KCNN2: variants seen among roughly 807,000 people sequenced by gnomAD.
The protein encoded by KCNN2 is potassium calcium-activated channel subfamily N member 2, also known as small conductance calcium-activated potassium channel protein 2.
Under a neutral mutation model 55.5 loss-of-function variants are expected in KCNN2, and 24 were observed. The observed-to-expected ratio is 0.43, with a 90% CI of 0.31 to 0.61. The LOEUF (loss-of-function observed/expected upper bound fraction) is 0.61, where lower values mean the gene tolerates loss of function less well. KCNN2 is among the 20% of genes least tolerant of loss of function. KCNN2 has a pLI of 0.08. For synonymous variants in KCNN2, 431 were observed against 336.1 expected, an observed-to-expected ratio of 1.28 and a Z score of -3.09; for missense variants, 754 against 853.6, an observed-to-expected ratio of 0.88 and a Z score of 1.45.
chr5:114,361,377 G>A (rs926156552), upstream of KCNN2, among the ~76,000 whole-genome samples: 3 of 152,168 alleles, frequency 2.0e-5, no homozygotes, highest in Non-Finnish European at 2.9e-5. Flanking sequence ...GAAAGATCCG[G>A]TCTCGGGGTC....
intron 1 of KCNN2, among the ~76,000 whole-genome samples, chr5:114,168,279 T>G (rs1356009949): frequency 6.6e-6 from 1 of 151,854 alleles, no homozygotes; most frequent in East Asian, 1.9e-4. Context: ...CATAGGATAT[T>G]TATCATTCTC....
intron 2 of KCNN2, among the ~76,000 whole-genome samples, chr5:114,247,779 A>G (rs1173694029): frequency 6.6e-6 from 1 of 152,220 alleles, no homozygotes; most frequent in African/African-American, 2.4e-5. Flanking sequence ...GACACACAGC[A>G]AGTACCCAAA....
intron 2 of KCNN2, among the ~76,000 whole-genome samples, chr5:114,305,718 A>G (rs1756256028): frequency 6.6e-6 from 1 of 152,198 alleles, no homozygotes; most frequent in African/African-American, 2.4e-5. Flanking sequence ...CAGTAGGAAC[A>G]AAAAGAAGCA....
At chr5:114,439,054 T>TA (rs906320282) in intron 3 of KCNN2, among the ~76,000 whole-genome samples, 1 of 152,156 alleles carries the variant, frequency 6.6e-6, no homozygotes, top group Non-Finnish European at 1.5e-5. Context: ...GTACAGTACA[T>TA]AAAAAAATCT....
intron 2 of KCNN2, among the ~76,000 whole-genome samples, chr5:114,390,904 T>C (rs1233995493): frequency 6.6e-6 from 1 of 152,042 alleles, no homozygotes; most frequent in Non-Finnish European, 1.5e-5. Context: ...CCACAGAAGG[T>C]GCGGGCCTGG....
chr5:114,403,494 C>T (rs1277827071), intron 2 of KCNN2, among the ~76,000 whole-genome samples: 1 of 152,168 alleles, frequency 6.6e-6, no homozygotes, highest in Admixed American at 6.5e-5. Flanking sequence ...AGCATTGAAG[C>T]ATGGCTGGCA....
rs59964515 is a variant in KCNN2, at chr5:114,312,434, CATATATATATATATATATATATATAT to C, written c.-184-48494_-184-48469del. 6.2e-3 allele frequency among the ~76,000 whole-genome samples: 146 copies of C among 23,422 alleles called. 2 individuals are homozygous for C. The highest frequency in any genetic ancestry group is 0.021 in the African/African-American group (140 of 6,822). 15.4% of individuals were successfully genotyped at this position (23,422 alleles called of 152,430 possible). ...ACACACACACACACACACACACACA[CATATATATATATATATATATATATAT>C]ATATATATATATATATGGATCCAGC... On this transcript the variant is annotated intron_variant, in intron 2 of 10. Coordinates refer to the KCNN2 transcript ENST00000512097.
At chr5:114,471,194 T>G (rs1761717374) in intron 4 of KCNN2, among the ~76,000 whole-genome samples, 1 of 152,156 alleles carries the variant, frequency 6.6e-6, no homozygotes, top group Non-Finnish European at 1.5e-5. Context: ...CCATGGGGGT[T>G]CAGTTCCAGA....
At chr5:114,441,695 T>A (rs1296376080) in intron 3 of KCNN2, among the ~76,000 whole-genome samples, 1 of 152,142 alleles carries the variant, frequency 6.6e-6, no homozygotes, top group East Asian at 1.9e-4. Context: ...TGTAATTTGG[T>A]TTCTGTTTGT....
intron 1 of KCNN2, among the ~76,000 whole-genome samples, chr5:114,089,361 A>G (rs1292701398): frequency 1.5e-4 from 23 of 152,128 alleles, no homozygotes; most frequent in Admixed American, 1.5e-3. Context: ...CCTAAGATAA[A>G]TGTTCCAGAT....
intron 3 of KCNN2, among the ~76,000 whole-genome samples, chr5:114,428,571 T>TA (rs772857030): frequency 8.5e-5 from 13 of 152,180 alleles, no homozygotes; most frequent in Non-Finnish European, 1.8e-4. Context: ...ATTTCATTGA[T>TA]ATATTCTATT....
chr5:114,416,702 T>A (rs1212220399), intron 3 of KCNN2, among the ~76,000 whole-genome samples: 1 of 152,238 alleles, frequency 6.6e-6, no homozygotes, highest in Non-Finnish European at 1.5e-5. Flanking sequence ...ATATAAAATA[T>A]ACTGTTTCAG....
intron 2 of KCNN2, among the ~76,000 whole-genome samples, chr5:114,293,280 G>T (rs1246509495): frequency 6.6e-6 from 1 of 152,126 alleles, no homozygotes; most frequent in African/African-American, 2.4e-5. Flanking sequence ...AGTTTTCAAA[G>T]GGAATGCTTC....
At chr5:114,260,079 T>C (rs1180300016) in intron 2 of KCNN2, among the ~76,000 whole-genome samples, 1 of 152,218 alleles carries the variant, frequency 6.6e-6, no homozygotes, top group African/African-American at 2.4e-5. Flanking sequence ...AAATTATCTT[T>C]ACACCATCTC....
chr5:114,493,863 C>T (rs868805720), intron 7 of KCNN2, among the ~76,000 whole-genome samples: 2 of 151,926 alleles, frequency 1.3e-5, no homozygotes, highest in South Asian at 4.2e-4. Context: ...TAAATTTTGT[C>T]CTATGTATTT....
intron 2 of KCNN2, among the ~76,000 whole-genome samples, chr5:114,277,914 A>G (rs1288424615): frequency 1.3e-5 from 2 of 152,124 alleles, no homozygotes; most frequent in Non-Finnish European, 1.5e-5. Flanking sequence ...GGAGGAGAAA[A>G]GGCATTCTGG....
chr5:114,109,132 A>T (rs1751544534), intron 1 of KCNN2, among the ~76,000 whole-genome samples: 1 of 152,006 alleles, frequency 6.6e-6, no homozygotes, highest in Non-Finnish European at 1.5e-5. Context: ...ATGGGGAAGG[A>T]TGTGTTTCCA....
chr5:114,480,151 CAAAT>C (rs1437602214), intron 5 of KCNN2, among the ~76,000 whole-genome samples: 1 of 151,462 alleles, frequency 6.6e-6, no homozygotes, highest in Non-Finnish European at 1.5e-5. Context: ...AGCAAAGAGT[CAAAT>C]AAACACTATG....
intron 2 of KCNN2, among the ~76,000 whole-genome samples, chr5:114,268,476 C>T (rs1408078650): frequency 6.6e-6 from 1 of 152,220 alleles, no homozygotes; most frequent in Non-Finnish European, 1.5e-5. Context: ...GCAGTTTGCA[C>T]TTTCATGGCT....
Sources: gnomAD v4.1 joint callset for allele counts (sites outside exome capture counted in the v4.1 genomes callset) on GRCh38, gnomAD v4.1.1 for gene constraint, MANE v1.5 for transcripts, NCBI Gene and HGNC (gene_info 2026-07-23, HGNC 2026-07-21) for gene names.